Variants in ARHGAP42 observed in about 807,000 individuals in gnomAD.
ARHGAP42 encodes rho GTPase-activating protein 42.
In ARHGAP42, 63 loss-of-function variants were observed where a neutral mutation model predicts 125.0. That is an observed-to-expected ratio of 0.50 (90% CI 0.41 to 0.62). ARHGAP42 has a LOEUF of 0.62. Among genes scored for constraint, ARHGAP42 ranks in the 20% least tolerant of loss-of-function variants. The pLI, the probability that ARHGAP42 is intolerant of heterozygous loss-of-function variation, is 0.00. For synonymous variants in ARHGAP42, 339 were observed against 351.0 expected, an observed-to-expected ratio of 0.97 and a Z score of 0.38; for missense variants, 766 against 1,024.2, an observed-to-expected ratio of 0.75 and a Z score of 3.44.
intron 1 of ARHGAP42, among the ~76,000 whole-genome samples, chr11:100,693,761 G>A (rs2120174672): frequency 6.6e-6 from 1 of 152,242 alleles, no homozygotes; most frequent in East Asian, 1.9e-4. Flanking sequence ...CAGAGTCCAG[G>A]AAACACAGGT....
chr11:100,818,047 G>T (rs1864311122), intron 3 of ARHGAP42, among the ~76,000 whole-genome samples: 1 of 152,174 alleles, frequency 6.6e-6, no homozygotes, highest in African/African-American at 2.4e-5. Flanking sequence ...AATAGTCTGA[G>T]GCCAGATCTA....
intron 4 of ARHGAP42, among the ~76,000 whole-genome samples, chr11:100,909,219 GA>G (rs1275620280): frequency 6.6e-6 from 1 of 151,986 alleles, no homozygotes; most frequent in Non-Finnish European, 1.5e-5. Flanking sequence ...TTGCTGTTCA[GA>G]AGCTTTTTAG....
chr11:100,823,138 A>G (rs11224472), intron 3 of ARHGAP42, among the ~76,000 whole-genome samples: 9,202 of 152,238 alleles, frequency 0.06, 295 homozygotes, highest in East Asian at 0.18. Flanking sequence ...AAACATTACT[A>G]GGTCAAATTA....
chr11:100,871,903 C>T (rs544941201), intron 4 of ARHGAP42, among the ~76,000 whole-genome samples: 27 of 152,292 alleles, frequency 1.8e-4, no homozygotes, highest in African/African-American at 6.5e-4. Context: ...GCCATCACAC[C>T]CAGCTAATTT....
chr11:100,800,324 G>A (rs892288827), intron 3 of ARHGAP42, among the ~76,000 whole-genome samples: 11 of 152,188 alleles, frequency 7.2e-5, no homozygotes, highest in African/African-American at 2.7e-4. Flanking sequence ...TAGTGATGTT[G>A]AAGGTTCACT....
At chr11:100,792,757 T>C (rs1025717649) in intron 2 of ARHGAP42, among the ~76,000 whole-genome samples, 1 of 40,522 alleles carries the variant, frequency 2.5e-5, no homozygotes, top group African/African-American at 5.1e-5. Flanking sequence ...ATTTTCTTTT[T>C]TTTTTTTTTT....
At chr11:100,889,838 TA>T (rs1866177387) in intron 4 of ARHGAP42, among the ~76,000 whole-genome samples, 1 of 152,284 alleles carries the variant, frequency 6.6e-6, no homozygotes, top group South Asian at 2.1e-4. Flanking sequence ...CTTATATCCT[TA>T]ACTTAACTCT....
chr11:100,956,133 T>G (rs908417629), intron 12 of ARHGAP42, among the ~76,000 whole-genome samples: 9 of 151,962 alleles, frequency 5.9e-5, no homozygotes, highest in African/African-American at 2.4e-5. Flanking sequence ...CCACTGCTGC[T>G]CTTTGCTGCC....
chr11:100,898,079 T>C (rs1055789879), intron 4 of ARHGAP42, among the ~76,000 whole-genome samples: 2 of 152,230 alleles, frequency 1.3e-5, no homozygotes, highest in Non-Finnish European at 2.9e-5. Context: ...AAAGGCCTTT[T>C]CTGCATCTAT....
chr11:100,913,113 A>C (rs1008477260), intron 4 of ARHGAP42, among the ~76,000 whole-genome samples: 104 of 152,168 alleles, frequency 6.8e-4, no homozygotes, highest in African/African-American at 2.5e-3. Context: ...TCTATTGTTA[A>C]GAGTCAATTA....
chr11:100,737,872 C>T lies in ARHGAP42; in HGVS notation c.155-32471C>T, dbSNP rs1862100331. Among the ~76,000 whole-genome samples, 3 of 152,298 alleles carry T rather than the reference C, an allele frequency of 2.0e-5. No individual in the cohort carries two copies. In the South Asian group the frequency reaches 6.2e-4, roughly 32 times the overall value. The stretch of plus-strand genomic sequence containing the variant: ...TCACATTAGTGTTTTTAGTTGCTTG[C>T]CTATTGCTCATGATCAATCCCCTCT... On this transcript the variant is annotated intron_variant, in intron 1 of 23. Coordinates refer to ENST00000298815, the MANE Select transcript of ARHGAP42 (RefSeq NM_152432.4).
chr11:100,983,699 CTT>C (rs998455289), intron 22 of ARHGAP42, among the ~76,000 whole-genome samples: 5 of 152,150 alleles, frequency 3.3e-5, no homozygotes, highest in African/African-American at 4.8e-5. Flanking sequence ...ATATATATGT[CTT>C]TGACACAAGC....
At chr11:100,941,181 T>C (rs1432520867) in intron 8 of ARHGAP42, among the ~76,000 whole-genome samples, 14 of 152,242 alleles carry the variant, frequency 9.2e-5, no homozygotes, top group African/African-American at 2.9e-4. Flanking sequence ...AATGCCTCCA[T>C]TGTGTTCAAA....
At chr11:100,836,984 G>A (rs1042672518) in intron 3 of ARHGAP42, among the ~76,000 whole-genome samples, 4 of 151,852 alleles carry the variant, frequency 2.6e-5, no homozygotes, top group East Asian at 3.9e-4. Flanking sequence ...TTCTTATGTC[G>A]ACTTCATTGT....
At chr11:100,731,199 G>T (rs553874984) in intron 1 of ARHGAP42, among the ~76,000 whole-genome samples, 3 of 149,770 alleles carry the variant, frequency 2.0e-5, no homozygotes, top group Admixed American at 2.0e-4. Flanking sequence ...TTGCTCTGTT[G>T]CCAGGCTGGA....
chr11:100,854,745 A>G (rs1865286336), intron 3 of ARHGAP42, among the ~76,000 whole-genome samples: 1 of 152,086 alleles, frequency 6.6e-6, no homozygotes, highest in African/African-American at 2.4e-5. Flanking sequence ...ACCCCAGGCT[A>G]GCACCCCAGT....
intron 4 of ARHGAP42, among the ~76,000 whole-genome samples, chr11:100,901,624 A>C (rs1033576734): frequency 6.6e-6 from 1 of 152,168 alleles, no homozygotes; most frequent in Non-Finnish European, 1.5e-5. Context: ...GCAATGGTGG[A>C]TGCCCCTCCC....
chr11:100,818,871 G>C (rs991603171), intron 3 of ARHGAP42, among the ~76,000 whole-genome samples: 1 of 152,074 alleles, frequency 6.6e-6, no homozygotes, highest in Non-Finnish European at 1.5e-5. Flanking sequence ...ATTATGTAGA[G>C]GTAGAGATGG....
chr11:100,923,880 G>A (rs910862758), intron 6 of ARHGAP42, among the ~76,000 whole-genome samples: 3 of 152,092 alleles, frequency 2.0e-5, no homozygotes, highest in Admixed American at 6.5e-5. Context: ...CATCCATGGA[G>A]TTGTACTTAA....
Sources: gnomAD v4.1 joint callset for allele counts (sites outside exome capture counted in the v4.1 genomes callset) on GRCh38, gnomAD v4.1.1 for gene constraint, MANE v1.5 for transcripts, NCBI Gene and HGNC (gene_info 2026-07-23, HGNC 2026-07-21) for gene names.